Variants in WDPCP observed in about 807,000 individuals in gnomAD.
WDPCP encodes WD repeat-containing and planar cell polarity effector protein fritz homolog.
WDPCP carries 71 observed loss-of-function variants against 93.1 expected under a neutral mutation model. The ratio of observed to expected loss-of-function variants is 0.76; its 90% CI spans 0.63 to 0.93. WDPCP has a LOEUF of 0.93. Ranked by LOEUF, WDPCP falls within the 40% of genes least tolerant of loss-of-function variation. WDPCP has a pLI of 0.00. For missense variants in WDPCP, 844 were observed against 887.4 expected, an observed-to-expected ratio of 0.95 and a Z score of 0.62; for synonymous variants, 315 against 315.0, an observed-to-expected ratio of 1.00 and a Z score of 0.00.
rs1485950239 is a variant in WDPCP, at chr2:63,201,240, A to G, written c.1916-26408T>C. Among the ~76,000 whole-genome samples the G allele has an allele frequency of 2.6e-5, 4 of 152,128 alleles. No homozygotes were observed. In the East Asian group the frequency reaches 5.8e-4, roughly 22 times the overall value. ...TTCCTCTTTGCCTTCCACCATGATTATAAGTTTCCTGAGGCCTCCCCAGCC... is the reference window on the plus strand; with the variant it reads ...TTCCTCTTTGCCTTCCACCATGATTGTAAGTTTCCTGAGGCCTCCCCAGCC... On this transcript the variant is annotated intron_variant, in intron 14 of 17. Coordinates refer to ENST00000272321, the MANE Select transcript of WDPCP (RefSeq NM_015910.7).
chr2:63,431,629 A>G (rs1696769546), intron 9 of WDPCP, among the ~76,000 whole-genome samples: 9 of 151,764 alleles, frequency 5.9e-5, no homozygotes. Flanking sequence ...ACGATATTCT[A>G]AAAAAAATTC....
Position 63,152,909 on chromosome 2 carries a change from T to G in WDPCP, c.2190+5A>C. 1 of 1,610,878 alleles carries G rather than the reference T, an allele frequency of 6.2e-7. No individual in the cohort carries two copies. The highest frequency in any genetic ancestry group is 8.5e-7 in the Non-Finnish European group (1 of 1,177,326). On this transcript the variant is annotated splice_donor_5th_base_variant and intron_variant, in intron 17 of 17. Coordinates refer to ENST00000272321, the MANE Select transcript of WDPCP (RefSeq NM_015910.7). ...GTCTAGTAATAAACAGAGAAAGTGT[T>G]TTACCTGTTCTCTGCCGTCTTCTCT...
chr2:63,544,725 A>G (rs919669721), intron 1 of WDPCP, among the ~76,000 whole-genome samples: 22 of 152,164 alleles, frequency 1.4e-4, no homozygotes, highest in African/African-American at 5.3e-4. Context: ...AAAGCTGTAT[A>G]TAAGGAAAGG....
At chr2:63,254,700 T>C (rs1680996293) in intron 14 of WDPCP, among the ~76,000 whole-genome samples, 1 of 152,138 alleles carries the variant, frequency 6.6e-6, no homozygotes, top group African/African-American at 2.4e-5. Context: ...TTTTAAGTTG[T>C]AGGAAGTGTT....
chr2:63,507,161 A>T (rs1341604695), intron 1 of WDPCP, among the ~76,000 whole-genome samples: 1 of 152,140 alleles, frequency 6.6e-6, no homozygotes, highest in Non-Finnish European at 1.5e-5. Flanking sequence ...TAAGTACCCA[A>T]TACAATGAAT....
intron 14 of WDPCP, among the ~76,000 whole-genome samples, chr2:63,211,750 T>A (rs961532175): frequency 1.3e-5 from 2 of 152,028 alleles, no homozygotes; most frequent in African/African-American, 4.8e-5. Context: ...CTAACTAGAA[T>A]CAACAGTGTA....
chr2:63,625,727 G>T (rs60690377), intron 3 of WDPCP, among the ~76,000 whole-genome samples: 1 of 152,112 alleles, frequency 6.6e-6, no homozygotes. Flanking sequence ...GCTCATGGAT[G>T]GGAAGAATCA....
intron 6 of WDPCP, among the ~76,000 whole-genome samples, chr2:63,456,195 T>C (rs1365847732): frequency 2.0e-5 from 3 of 152,010 alleles, no homozygotes; most frequent in African/African-American, 7.2e-5. Flanking sequence ...GGCAGGGAGA[T>C]CACTTGAGGT....
intron 2 of WDPCP, among the ~76,000 whole-genome samples, chr2:63,716,041 A>C (rs1669333322): frequency 6.6e-6 from 1 of 152,224 alleles, no homozygotes; most frequent in African/African-American, 2.4e-5. Context: ...TTGCTGCAAG[A>C]ATTAAAAGAC....
rs765037640 is a variant in WDPCP, at chr2:63,531,089, G to T, written c.76-38149C>A. Among the ~76,000 whole-genome samples the T allele has an allele frequency of 2.6e-5, 4 of 152,234 alleles. No individual in the cohort carries two copies. In the East Asian group the frequency reaches 7.7e-4, roughly 29 times the overall value. On this transcript the variant is annotated intron_variant, in intron 1 of 17. Transcript: ENST00000272321. ...CCACGCCCACGGCGCCTTGCTCACTGCTAGCACAGCAGTCCAAGATCGAAC... is the reference window on the plus strand; with the variant it reads ...CCACGCCCACGGCGCCTTGCTCACTTCTAGCACAGCAGTCCAAGATCGAAC...
At chr2:63,313,446 T>C in intron 12 of WDPCP, 135 bp from the exon 13 acceptor site, 2 of 914,146 alleles carry the variant, frequency 2.2e-6, no homozygotes, top group Non-Finnish European at 3.4e-6. Context: ...AGAAGGGATT[T>C]GGCCTACTAG....
chr2:63,148,394 C>T (rs752787293), intron 17 of WDPCP, among the ~76,000 whole-genome samples: 3 of 152,180 alleles, frequency 2.0e-5, no homozygotes, highest in African/African-American at 4.8e-5. Context: ...GGCTGGAGTG[C>T]GGTGGCATGA....
intron 2 of WDPCP, among the ~76,000 whole-genome samples, chr2:63,809,101 C>T (rs1456457513): frequency 1.3e-5 from 2 of 151,866 alleles, no homozygotes; most frequent in East Asian, 3.9e-4. Flanking sequence ...AGTCCCTCCG[C>T]CCGGCAGCCG....
chr2:63,757,864 A>G (rs1669992642), intron 2 of WDPCP, among the ~76,000 whole-genome samples: 1 of 152,202 alleles, frequency 6.6e-6, no homozygotes, highest in African/African-American at 2.4e-5. Context: ...TCCTTGAGTC[A>G]CTAAGTTGAA....
chr2:63,440,246 T>C (rs1382629135), intron 6 of WDPCP: 1 of 183,994 alleles, frequency 5.4e-6, no homozygotes, highest in African/African-American at 2.4e-5. Flanking sequence ...AACTAAAACA[T>C]TTCTTGAGGT....
chr2:63,245,101 C>G (rs1245994133), intron 14 of WDPCP, among the ~76,000 whole-genome samples: 1 of 152,072 alleles, frequency 6.6e-6, no homozygotes, highest in Non-Finnish European at 1.5e-5. Flanking sequence ...TAAATGTTCC[C>G]AAGGAAGAAA....
intron 2 of WDPCP, among the ~76,000 whole-genome samples, chr2:63,773,737 T>C (rs1007035681): frequency 4.6e-5 from 7 of 152,062 alleles, no homozygotes; most frequent in Non-Finnish European, 7.4e-5. Context: ...TTGAGATAAA[T>C]CAAATTTTGC....
At chr2:63,541,754 T>G (rs1478105768) in intron 1 of WDPCP, among the ~76,000 whole-genome samples, 1 of 152,156 alleles carries the variant, frequency 6.6e-6, no homozygotes, top group Non-Finnish European at 1.5e-5. Context: ...CAGACCAACC[T>G]GCTTTTTTGA....
chr2:63,608,019 A>G (rs1709572459), intron 3 of WDPCP, among the ~76,000 whole-genome samples: 1 of 152,202 alleles, frequency 6.6e-6, no homozygotes, highest in Admixed American at 6.5e-5. Context: ...CTATTTCAGC[A>G]TATATTTGTA....
Sources: gnomAD v4.1 joint callset for allele counts (sites outside exome capture counted in the v4.1 genomes callset) on GRCh38, gnomAD v4.1.1 for gene constraint, MANE v1.5 for transcripts, NCBI Gene and HGNC (gene_info 2026-07-23, HGNC 2026-07-21) for gene names.